ZBTB7C: variants seen among roughly 807,000 people sequenced by gnomAD.
The protein encoded by ZBTB7C is zinc finger and BTB domain-containing protein 7C.
A neutral mutation model predicts 25.7 loss-of-function variants in ZBTB7C; 8 were observed. The observed-to-expected ratio is 0.31, with a 90% CI of 0.18 to 0.56. ZBTB7C has a LOEUF of 0.56. Among genes scored for constraint, ZBTB7C ranks in the 20% least tolerant of loss-of-function variants. The pLI is 0.91. For missense variants in ZBTB7C, 824 were observed against 855.2 expected, an observed-to-expected ratio of 0.96 and a Z score of 0.46; for synonymous variants, 394 against 369.0, an observed-to-expected ratio of 1.07 and a Z score of -0.78.
Position 48,209,968 on chromosome 18 carries a change from C to A in ZBTB7C, c.-78-23973G>T, listed in dbSNP as rs78553128. On this transcript the variant is annotated intron_variant, in intron 2 of 4. Coordinates refer to ENST00000590800, the MANE Select transcript of ZBTB7C (RefSeq NM_001318841.2). Reference sequence around the variant, plus strand: ...GACTATTTAAAGAACTCTCAGAACTCAAAAATAAAAAGATAATCCAATATT... The same window carrying A: ...GACTATTTAAAGAACTCTCAGAACTAAAAAATAAAAAGATAATCCAATATT... Among the ~76,000 whole-genome samples the A allele has an allele frequency of 0.031, 4,755 of 152,050 alleles. 686 individuals carry two copies. In the East Asian group the frequency reaches 0.48, roughly 15 times the overall value.
At chr18:48,208,271 C>T (rs1156697673) in intron 2 of ZBTB7C, among the ~76,000 whole-genome samples, 6 of 152,038 alleles carry the variant, frequency 3.9e-5, no homozygotes, top group Non-Finnish European at 8.8e-5. Context: ...GACAAATAAA[C>T]AAGAGTGGTT....
At position 48,314,442 on chromosome 18, in the gene ZBTB7C, G is replaced by C. The variant is rs184157243; in HGVS notation, c.-79+23732C>G. ...CCTAGGGTACATGTATCAATGCCTA[G>C]CTGCATTTTTAGTTGCCACTACTAA... On this transcript the variant is annotated intron_variant, in intron 2 of 4. Transcript: ENST00000590800. Among the ~76,000 whole-genome samples the C allele has an allele frequency of 1.0e-3, 155 of 152,262 alleles. 1 individual carries two copies. Among genetic ancestry groups the C allele is most frequent in the African/African-American group, 3.7e-3 (152 of 41,546 alleles).
chr18:48,313,369 C>T (rs147143596), intron 2 of ZBTB7C, among the ~76,000 whole-genome samples: 3 of 152,284 alleles, frequency 2.0e-5, no homozygotes, highest in East Asian at 3.9e-4. Flanking sequence ...GTTCTCAAGC[C>T]TGCCTGGGAA....
At chr18:48,306,258 C>A (rs1291646376) in intron 2 of ZBTB7C, among the ~76,000 whole-genome samples, 3 of 152,184 alleles carry the variant, frequency 2.0e-5, no homozygotes, top group Admixed American at 1.3e-4. Flanking sequence ...CCACTGTGAT[C>A]ATTAACACCC....
chr18:48,083,932 C>T (rs2038085509), intron 3 of ZBTB7C: 2 of 981,314 alleles, frequency 2.0e-6, no homozygotes, highest in South Asian at 4.7e-5. Flanking sequence ...TTGGTTGAAG[C>T]AGGCCTTTAA....
At chr18:48,062,670 T>C (rs868175411) in intron 3 of ZBTB7C, among the ~76,000 whole-genome samples, 1 of 152,204 alleles carries the variant, frequency 6.6e-6, no homozygotes, top group African/African-American at 2.4e-5. Context: ...CAGTGGCCTG[T>C]TCCATTCTAG....
At chr18:48,072,198 T>C (rs2037568173) in intron 3 of ZBTB7C, among the ~76,000 whole-genome samples, 1 of 152,236 alleles carries the variant, frequency 6.6e-6, no homozygotes, top group Non-Finnish European at 1.5e-5. Context: ...CCGACAGCCA[T>C]GATTTCTAGC....
rs73435296 is a variant in ZBTB7C at position 48,384,228 on chromosome 18, G to A, written c.-304+24998C>T. 5.8e-3 allele frequency among the ~76,000 whole-genome samples: 885 copies of A among 152,300 alleles called. 9 individuals carry two copies. Among genetic ancestry groups the A allele is most frequent in the African/African-American group, 0.02 (847 of 41,576 alleles). ...CATCCCAGGACAAGCCCCACCCACA[G>A]CCTCTAACAAGGCAGAAGGCACTTT... On this transcript the variant is annotated intron_variant, in intron 1 of 4. Transcript: ENST00000590800.
chr18:48,340,697 T>C (rs924758824), intron 1 of ZBTB7C, among the ~76,000 whole-genome samples: 1 of 152,170 alleles, frequency 6.6e-6, no homozygotes, highest in African/African-American at 2.4e-5. Flanking sequence ...CTCCTGCAAG[T>C]TGGGGTTGAA....
chr18:48,243,896 G>C (rs2043601170), intron 2 of ZBTB7C, among the ~76,000 whole-genome samples: 1 of 152,108 alleles, frequency 6.6e-6, no homozygotes, highest in African/African-American at 2.4e-5. Context: ...CTGATCTTTG[G>C]CAAAGCAAAC....
At chr18:48,277,594 C>G (rs143606260) in intron 2 of ZBTB7C, among the ~76,000 whole-genome samples, 41 of 152,358 alleles carry the variant, frequency 2.7e-4, no homozygotes, top group African/African-American at 9.9e-4. Context: ...CGCTGCTTAA[C>G]CATGTGCAAG....
At chr18:48,292,754 A>G (rs187646167) in intron 2 of ZBTB7C, among the ~76,000 whole-genome samples, 1 of 152,354 alleles carries the variant, frequency 6.6e-6, no homozygotes, top group Admixed American at 6.5e-5. Context: ...AAGAAAAGCT[A>G]GATTTGATTC....
intron 2 of ZBTB7C, among the ~76,000 whole-genome samples, chr18:48,225,751 AT>A (rs1170330441): frequency 2.0e-5 from 3 of 149,752 alleles, no homozygotes; most frequent in South Asian, 2.1e-4. Context: ...ACACTTCCTA[AT>A]TTTTTTTTTG....
At chr18:48,364,608 G>A (rs984944827) in intron 1 of ZBTB7C, among the ~76,000 whole-genome samples, 1 of 152,328 alleles carries the variant, frequency 6.6e-6, no homozygotes, top group African/African-American at 2.4e-5. Flanking sequence ...AGGTCAGATT[G>A]ATGGGGCTTT....
At chr18:48,356,430 T>C (rs1001635622) in intron 1 of ZBTB7C, among the ~76,000 whole-genome samples, 17 of 152,168 alleles carry the variant, frequency 1.1e-4, no homozygotes, top group African/African-American at 3.1e-4. Context: ...AAGTAGAGTT[T>C]AACAGTGTCC....
chr18:48,109,823 G>A (rs2039168063), intron 3 of ZBTB7C, among the ~76,000 whole-genome samples: 3 of 152,132 alleles, frequency 2.0e-5, no homozygotes, highest in African/African-American at 4.8e-5. Context: ...AAGACAAAAA[G>A]GTGCCTTCTT....
intron 3 of ZBTB7C, among the ~76,000 whole-genome samples, chr18:48,126,549 G>A (rs1039310579): frequency 6.6e-6 from 1 of 152,218 alleles, no homozygotes; most frequent in African/African-American, 2.4e-5. Flanking sequence ...AGCTCCCCGG[G>A]GGAGATGCCC....
intron 2 of ZBTB7C, among the ~76,000 whole-genome samples, chr18:48,191,420 C>A (rs1361992038): frequency 6.6e-6 from 1 of 152,224 alleles, no homozygotes; most frequent in African/African-American, 2.4e-5. Context: ...CTACCTACAT[C>A]CTATTTCACA....
intron 1 of ZBTB7C, among the ~76,000 whole-genome samples, chr18:48,397,326 T>C (rs562417325): frequency 3.9e-5 from 6 of 152,294 alleles, no homozygotes; most frequent in African/African-American, 1.2e-4. Flanking sequence ...TACAGATTTC[T>C]TCACTGAGCT....
Sources: gnomAD v4.1 joint callset for allele counts (sites outside exome capture counted in the v4.1 genomes callset) on GRCh38, gnomAD v4.1.1 for gene constraint, MANE v1.5 for transcripts, NCBI Gene and HGNC (gene_info 2026-07-23, HGNC 2026-07-21) for gene names.